CERS6: variants seen among roughly 807,000 people sequenced by gnomAD.
CERS6 encodes ceramide synthase 6, also known as LAG1 homolog, ceramide synthase 6.
In CERS6, 26 loss-of-function variants were observed where a neutral mutation model predicts 56.8. The observed-to-expected ratio is 0.46, with a 90% confidence interval of 0.34 to 0.63. The LOEUF is 0.63. Ranked by LOEUF, CERS6 falls within the 30% of genes least tolerant of loss-of-function variation. The pLI is 0.01. For synonymous variants in CERS6, 164 were observed against 173.3 expected (o/e 0.95, Z 0.42); for missense variants, 415 against 467.5 (o/e 0.89, Z 1.04).
rs988589368 is a variant in CERS6, at chr2:168,694,901, A to G, written c.517-58A>G. 8 of 1,326,044 alleles carry G rather than the reference A, an allele frequency of 6.0e-6. No homozygotes were observed. In the African/African-American group the frequency reaches 1.0e-4, roughly 17 times the overall value. The allele number at this position is 1,326,044 out of a possible 1,614,324, so 82.1% of individuals were successfully genotyped here. On this transcript the variant is annotated intron_variant, in intron 5 of 9. Coordinates refer to ENST00000305747, the MANE Select transcript of CERS6 (RefSeq NM_203463.3). ...GAGCAGTGAGCTTGAGATGTCTGGG[A>G]TACAAATTGGGTTCCCTATTAACTA...
At chr2:168,644,004 T>C in intron 4 of CERS6, 2 of 724,824 alleles carry the variant, frequency 2.8e-6, no homozygotes, top group Admixed American at 6.3e-5. Context: ...TTCGCTAGTA[T>C]ATCCAGAGGG....
chr2:168,626,755 G>C (rs965710595), intron 3 of CERS6, among the ~76,000 whole-genome samples: 2 of 152,098 alleles, frequency 1.3e-5, no homozygotes, highest in African/African-American at 4.8e-5. Context: ...TAATCCCTAG[G>C]CTTCTTTTTC....
chr2:168,703,385 C>T (rs1176673904), intron 6 of CERS6, among the ~76,000 whole-genome samples: 1 of 152,072 alleles, frequency 6.6e-6, no homozygotes, highest in Non-Finnish European at 1.5e-5. Flanking sequence ...GGTGAAACCC[C>T]ATCTCTACTA....
intron 8 of CERS6, among the ~76,000 whole-genome samples, chr2:168,724,461 C>T (rs916439074): frequency 6.6e-6 from 1 of 152,054 alleles, no homozygotes; most frequent in Non-Finnish European, 1.5e-5. Flanking sequence ...TCTTATCTGG[C>T]CCCACCCACA....
intron 4 of CERS6, among the ~76,000 whole-genome samples, chr2:168,686,241 C>T (rs536731704): frequency 2.0e-5 from 3 of 150,614 alleles, no homozygotes; most frequent in East Asian, 2.0e-4. Flanking sequence ...TCTGAGCACG[C>T]GCGTGGAGAG....
intron 1 of CERS6, among the ~76,000 whole-genome samples, chr2:168,491,981 G>A (rs1367636036): frequency 6.6e-6 from 1 of 152,124 alleles, no homozygotes. Context: ...AGTATTCCAT[G>A]GTGTATATGT....
At chr2:168,469,296 T>G (rs1693936469) in intron 1 of CERS6, among the ~76,000 whole-genome samples, 1 of 152,226 alleles carries the variant, frequency 6.6e-6, no homozygotes, top group Non-Finnish European at 1.5e-5. Context: ...ATATAATTTG[T>G]AAGTAGTTAG....
intron 9 of CERS6, among the ~76,000 whole-genome samples, chr2:168,768,724 A>G (rs1684785542): frequency 6.6e-6 from 1 of 151,716 alleles, no homozygotes; most frequent in Non-Finnish European, 1.5e-5. Flanking sequence ...TGGCCAACAT[A>G]GTGAAACCCT....
At position 168,456,347 on chromosome 2, in the gene CERS6, G is replaced by A. The variant is rs1399077205; in HGVS notation, c.-102G>A. 5 of 792,414 alleles carry A rather than the reference G, an allele frequency of 6.3e-6. No individual in the cohort carries two copies. Among genetic ancestry groups the A allele is most frequent in the Admixed American group, 9.1e-5 (2 of 21,936 alleles). 49.1% of individuals were successfully genotyped at this position (792,414 alleles called of 1,614,324 possible). On this transcript the variant is annotated 5_prime_UTR_variant, in exon 1 of 10. Coordinates refer to ENST00000305747, the MANE Select transcript of CERS6 (RefSeq NM_203463.3). The surrounding 1 kb of genome is among the most constrained non-coding windows in gnomAD (Gnocchi z 4.1). ...GGCGGGCGGGAGCAGCGGCGGCGGCGGCACAGGCTCGGGGCCAGCCGGGCG... is the reference window on the plus strand; with the variant it reads ...GGCGGGCGGGAGCAGCGGCGGCGGCAGCACAGGCTCGGGGCCAGCCGGGCG...
At chr2:168,697,487 T>G (rs978193427) in intron 6 of CERS6, among the ~76,000 whole-genome samples, 4 of 152,168 alleles carry the variant, frequency 2.6e-5, no homozygotes, top group African/African-American at 7.2e-5. Context: ...TTTTCTTTTT[T>G]GAGGAGACCT....
chr2:168,642,096 G>T (rs1406777434), intron 4 of CERS6, among the ~76,000 whole-genome samples: 2 of 139,756 alleles, frequency 1.4e-5, no homozygotes, highest in Non-Finnish European at 3.0e-5. Context: ...CTGTAGGCAG[G>T]GGGCAGTGGC....
intron 4 of CERS6, among the ~76,000 whole-genome samples, chr2:168,643,901 A>G (rs1360986966): frequency 6.6e-6 from 1 of 152,218 alleles, no homozygotes; most frequent in Non-Finnish European, 1.5e-5. Context: ...CACAAGTTCC[A>G]GAATTTAAGA....
chr2:168,747,746 G>GA (rs1177563240), intron 8 of CERS6, among the ~76,000 whole-genome samples: 2 of 151,768 alleles, frequency 1.3e-5, no homozygotes, highest in African/African-American at 2.4e-5. Context: ...CAGAAAATTT[G>GA]AAAAAATACA....
At chr2:168,757,785 G>A (rs1418768135) in intron 8 of CERS6, among the ~76,000 whole-genome samples, 1 of 152,086 alleles carries the variant, frequency 6.6e-6, no homozygotes, top group East Asian at 1.9e-4. Context: ...CTAATAATTA[G>A]GCACCCATGC....
At chr2:168,518,198 C>G (rs1378113749) in intron 1 of CERS6, among the ~76,000 whole-genome samples, 2 of 152,180 alleles carry the variant, frequency 1.3e-5, no homozygotes, top group African/African-American at 4.8e-5. Context: ...CGAGCTGGCT[C>G]TACTACACAA....
intron 8 of CERS6, among the ~76,000 whole-genome samples, chr2:168,753,841 C>T (rs1337148006): frequency 6.6e-6 from 1 of 152,176 alleles, no homozygotes; most frequent in Admixed American, 6.5e-5. Flanking sequence ...AAATCACATC[C>T]TCACACACAC....
At chr2:168,705,442 A>G (rs181784238) in intron 6 of CERS6, among the ~76,000 whole-genome samples, 1 of 152,274 alleles carries the variant, frequency 6.6e-6, no homozygotes, top group African/African-American at 2.4e-5. Context: ...CTTCCAGGAA[A>G]TTCTGCAGCT....
At chr2:168,570,801 A>G (rs1344199905) in intron 3 of CERS6, among the ~76,000 whole-genome samples, 1 of 152,154 alleles carries the variant, frequency 6.6e-6, no homozygotes, top group African/African-American at 2.4e-5. Context: ...TGAAAGGAGA[A>G]TAATAGCTAC....
At position 168,622,672 on chromosome 2, in the gene CERS6, CTT is replaced by C. The variant is rs1355650481; in HGVS notation, c.408-8311_408-8310del. ...TTTGACTTACCTCCAACCTCAAAGA[CTT>C]TGCATTGATAATTCTGTTCCCTTTC... On this transcript the variant is annotated intron_variant, in intron 3 of 9. Coordinates refer to ENST00000305747, the MANE Select transcript of CERS6 (RefSeq NM_203463.3). 3.9e-5 allele frequency among the ~76,000 whole-genome samples: 6 copies of C among 152,320 alleles called. No individual in the cohort carries two copies. In the East Asian group the frequency reaches 1.2e-3, roughly 29 times the overall value.
Sources: gnomAD v4.1 joint callset for allele counts (sites outside exome capture counted in the v4.1 genomes callset) on GRCh38, gnomAD v4.1.1 for gene constraint, Gnocchi (gnomAD v3.1) non-coding constraint, MANE v1.5 for transcripts, NCBI Gene and HGNC (gene_info 2026-07-23, HGNC 2026-07-21) for gene names.